Variants in UTRN observed in about 807,000 individuals in gnomAD.
UTRN encodes utrophin.
A neutral mutation model predicts 463.9 loss-of-function variants in UTRN; 283 were observed. The observed-to-expected ratio is 0.61, with a 90% confidence interval of 0.55 to 0.67. The LOEUF (loss-of-function observed/expected upper bound fraction) is 0.67. Ranked by LOEUF, UTRN falls within the 30% of genes least tolerant of loss-of-function variation. UTRN has a pLI of 0.00. For synonymous variants in UTRN, 1,442 were observed against 1,431.5 expected (o/e 1.01, Z -0.17); for missense variants, 3,922 against 4,084.3 (o/e 0.96, Z 1.08).
chr6:144,339,828 A>G (rs1027587937), intron 2 of UTRN, among the ~76,000 whole-genome samples: 6 of 152,160 alleles, frequency 3.9e-5, no homozygotes, highest in Non-Finnish European at 5.9e-5. Context: ...TTATCTTTTT[A>G]TATTCTGATC....
chr6:144,582,668 G>A (rs534541021), intron 51 of UTRN, among the ~76,000 whole-genome samples: 1 of 152,148 alleles, frequency 6.6e-6, no homozygotes, highest in African/African-American at 2.4e-5. Flanking sequence ...TATTCACTTA[G>A]CTGTTTAATT....
Position 144,802,350 on chromosome 6 carries a change from A to G in UTRN, c.9246-686A>G, listed in dbSNP as rs7764329. 6.0e-3 allele frequency among the ~76,000 whole-genome samples: 911 copies of G among 152,232 alleles called. 16 individuals carry two copies. The highest frequency in any genetic ancestry group is 0.021 in the African/African-American group (876 of 41,546). On this transcript the variant is annotated intron_variant, in intron 64 of 74. Coordinates refer to ENST00000367545, the MANE Select transcript of UTRN (RefSeq NM_007124.3). Reference sequence around the variant, plus strand: ...GTAGTTTACAGCCACACAACTTTTAAATTTTGCTTCCATTTTCATTCTGTT... The same window carrying G: ...GTAGTTTACAGCCACACAACTTTTAGATTTTGCTTCCATTTTCATTCTGTT...
intron 51 of UTRN, among the ~76,000 whole-genome samples, chr6:144,647,618 C>G (rs1406748959): frequency 6.6e-6 from 1 of 152,188 alleles, no homozygotes; most frequent in Non-Finnish European, 1.5e-5. Context: ...TGGAGCTTTG[C>G]GGTCTAGGGG....
intron 33 of UTRN, among the ~76,000 whole-genome samples, chr6:144,494,004 A>G (rs1422406671): frequency 6.6e-6 from 1 of 152,198 alleles, no homozygotes; most frequent in Non-Finnish European, 1.5e-5. Context: ...ACTGTTTTTA[A>G]AAAAAATTTA....
At chr6:144,324,403 C>G (rs146370800) in intron 2 of UTRN, among the ~76,000 whole-genome samples, 254 of 152,232 alleles carry the variant, frequency 1.7e-3, no homozygotes, top group Middle Eastern at 3.4e-3. Context: ...TATGCTATGA[C>G]TATAAAATTT....
chr6:144,303,857 A>C (rs75804004), intron 2 of UTRN, among the ~76,000 whole-genome samples: 2,985 of 152,310 alleles, frequency 0.02, 107 homozygotes, highest in African/African-American at 0.068. Context: ...TTAATTAAAG[A>C]GTAGTCTAAT....
At chr6:144,503,063 C>G (rs572025222) in intron 34 of UTRN, among the ~76,000 whole-genome samples, 2 of 152,246 alleles carry the variant, frequency 1.3e-5, no homozygotes, top group East Asian at 3.9e-4. Flanking sequence ...TGAGAAGTGC[C>G]TGTTCATATC....
At chr6:144,697,483 G>A (rs960725143) in intron 52 of UTRN, among the ~76,000 whole-genome samples, 1 of 152,118 alleles carries the variant, frequency 6.6e-6, no homozygotes, top group African/African-American at 2.4e-5. Context: ...CAAGATGAAA[G>A]AATTAAAATG....
intron 52 of UTRN, among the ~76,000 whole-genome samples, chr6:144,699,691 G>T (rs1371381489): frequency 6.7e-6 from 1 of 150,058 alleles, no homozygotes; most frequent in Admixed American, 6.7e-5. Flanking sequence ...GTTTATAATT[G>T]TACATTCTAT....
intron 34 of UTRN, among the ~76,000 whole-genome samples, chr6:144,509,489 A>G (rs896117662): frequency 1.3e-5 from 2 of 151,954 alleles, no homozygotes; most frequent in Non-Finnish European, 2.9e-5. Context: ...ATATGCTCTT[A>G]AGTTTCCATT....
At position 144,577,299 on chromosome 6, in the gene UTRN, G is replaced by A; in HGVS notation, c.7479+11G>A. 1.2e-6 allele frequency: 2 copies of A among 1,612,752 alleles called. No homozygotes were observed. The highest frequency in any genetic ancestry group is 1.3e-5 in the African/African-American group (1 of 74,994). ...AAACAGCAGATGCAGGTAAGTGCAT[G>A]GGAAACCACACCAGTACCTGTGTTT... On this transcript the variant is annotated intron_variant, in intron 51 of 74. Transcript: ENST00000367545.
chr6:144,666,230 A>G (rs1035691900), intron 51 of UTRN, among the ~76,000 whole-genome samples: 1 of 152,194 alleles, frequency 6.6e-6, no homozygotes, highest in Non-Finnish European at 1.5e-5. Flanking sequence ...GCATCATTGC[A>G]TAGTGATCTA....
intron 33 of UTRN, among the ~76,000 whole-genome samples, chr6:144,497,378 G>A (rs976131273): frequency 6.6e-6 from 1 of 151,910 alleles, no homozygotes; most frequent in Non-Finnish European, 1.5e-5. Flanking sequence ...GATGGGTGCT[G>A]TAAGAAAAGA....
chr6:144,619,054 A>G (rs1207393937), intron 51 of UTRN, among the ~76,000 whole-genome samples: 1 of 152,168 alleles, frequency 6.6e-6, no homozygotes, highest in Non-Finnish European at 1.5e-5. Context: ...GCTGACACTT[A>G]GCAATAGCCC....
At chr6:144,810,998 A>G (rs1269299483) in intron 65 of UTRN, among the ~76,000 whole-genome samples, 1 of 152,228 alleles carries the variant, frequency 6.6e-6, no homozygotes, top group African/African-American at 2.4e-5. Flanking sequence ...ATATGTAGGG[A>G]AATAAACCAA....
chr6:144,319,159 A>G (rs1164481744), intron 2 of UTRN, among the ~76,000 whole-genome samples: 1 of 150,114 alleles, frequency 6.7e-6, no homozygotes, highest in Non-Finnish European at 1.5e-5. Context: ...TTTTTTCCTC[A>G]TTATTCTTTC....
chr6:144,753,438 G>A (rs1031137875), intron 56 of UTRN, among the ~76,000 whole-genome samples: 1 of 152,000 alleles, frequency 6.6e-6, no homozygotes, highest in Non-Finnish European at 1.5e-5. Context: ...AACATAGGAA[G>A]AGCCTGTCTC....
intron 64 of UTRN, 46 bp from the exon 65 acceptor site, chr6:144,802,990 A>AATGATAGTCTAAATTACT: frequency 7.6e-7 from 1 of 1,314,636 alleles, no homozygotes. Flanking sequence ...AATTTAGACT[A>AATGATAGTCTAAATTACT]AATGATAGTA....
At chr6:144,561,383 C>T (rs930053100) in intron 50 of UTRN, among the ~76,000 whole-genome samples, 2 of 150,656 alleles carry the variant, frequency 1.3e-5, no homozygotes, top group Admixed American at 1.3e-4. Flanking sequence ...GACGTGTTTG[C>T]ACATGCATGT....
Sources: allele counts gnomAD v4.1 joint callset (sites outside exome capture counted in the v4.1 genomes callset), GRCh38; gene constraint gnomAD v4.1.1; transcripts MANE v1.5; gene names NCBI Gene and HGNC (gene_info 2026-07-23, HGNC 2026-07-21).